Variants in ACOT11 observed in about 807,000 individuals in gnomAD.
The protein encoded by ACOT11 is acyl-CoA thioesterase 11, also known as acyl-coenzyme A thioesterase 11.
ACOT11 carries 69 observed loss-of-function variants against 77.5 expected under a neutral mutation model. The ratio of observed to expected loss-of-function variants is 0.89; its 90% CI spans 0.73 to 1.09. ACOT11 has a LOEUF of 1.09. ACOT11 is among the 50% of genes least tolerant of loss of function. The pLI is 0.00. For synonymous variants in ACOT11, 279 were observed against 313.0 expected (o/e 0.89, Z 1.15); for missense variants, 766 against 813.7 (o/e 0.94, Z 0.71).
chr1:54,575,012 C>T (rs1047870267), intron 1 of ACOT11, among the ~76,000 whole-genome samples: 1 of 152,186 alleles, frequency 6.6e-6, no homozygotes, highest in Non-Finnish European at 1.5e-5. Flanking sequence ...AACAGCTTCT[C>T]AATAACTTGC....
chr1:54,601,176 T>C (rs930989427), intron 8 of ACOT11, 93 bp from the exon 9 acceptor site: 1 of 1,464,822 alleles, frequency 6.8e-7, no homozygotes, highest in African/African-American at 1.4e-5. Flanking sequence ...TGGGCGCATG[T>C]GTGCATGTGT....
chr1:54,561,578 C>T (rs1294399004), intron 1 of ACOT11, among the ~76,000 whole-genome samples: 2 of 132,024 alleles, frequency 1.5e-5, no homozygotes, highest in East Asian at 2.2e-4. Context: ...TCCACAAAGC[C>T]GCCATTGTCA....
intron 1 of ACOT11, among the ~76,000 whole-genome samples, chr1:54,557,328 G>T (rs2100940711): frequency 6.7e-6 from 1 of 149,516 alleles, no homozygotes; most frequent in East Asian, 2.0e-4. Context: ...GGAGGCGGAG[G>T]TTGCAGTGAG....
intron 1 of ACOT11, among the ~76,000 whole-genome samples, chr1:54,576,519 G>T (rs1301360874): frequency 7.3e-6 from 1 of 137,216 alleles, no homozygotes; most frequent in Non-Finnish European, 1.6e-5. Context: ...AAAAAGCAAA[G>T]CAGAATTTTG....
chr1:54,614,288 A>C (rs149077189), downstream of ACOT11, among the ~76,000 whole-genome samples: 564 of 152,298 alleles, frequency 3.7e-3, 4 homozygotes, highest in Non-Finnish European at 4.9e-3. Flanking sequence ...AGACTTCTCT[A>C]GCAGGCCAAA....
chr1:54,567,525 C>T (rs1219402259), intron 1 of ACOT11, among the ~76,000 whole-genome samples: 6 of 151,990 alleles, frequency 3.9e-5, no homozygotes, highest in East Asian at 3.9e-4. Flanking sequence ...GTGATCCACC[C>T]GCCTCAGCCT....
exon 16 of ACOT11, chr1:54,630,860 C>T (rs915176513): frequency 2.6e-6 from 2 of 759,662 alleles, no homozygotes; most frequent in South Asian, 2.9e-5. Flanking sequence ...TGGAGGACAC[C>T]TGAGTACTCT....
At chr1:54,597,511 G>T in intron 7 of ACOT11, 96 bp downstream of exon 7, 1 of 1,409,642 alleles carries the variant, frequency 7.1e-7, no homozygotes, top group East Asian at 2.5e-5. Flanking sequence ...CTTGGGGTTG[G>T]CATTCAAGGC....
At chr1:54,566,454 CAAAAA>C (rs34312735) in intron 1 of ACOT11, among the ~76,000 whole-genome samples, 1,725 of 94,670 alleles carry the variant, frequency 0.018, 30 homozygotes, top group African/African-American at 0.046. Context: ...AAGACTGTCT[CAAAAA>C]AAAAAAAAAA....
At position 54,609,568 on chromosome 1, in the gene ACOT11, G is replaced by A. The variant is rs1338202397; in HGVS notation, c.*456G>A. On this transcript the variant is annotated 3_prime_UTR_variant, in exon 16 of 16. Transcript: ENST00000343744. ...TGAGCAGCTGTTCCCTGTAGCCACT[G>A]CCCAGCACCTCCTCAGGCCAGCCTG... The A allele has an allele frequency of 1.2e-6, 2 of 1,612,738 alleles. No homozygotes were observed. Among genetic ancestry groups the A allele is most frequent in the South Asian group, 2.2e-5 (2 of 91,052 alleles).
At chr1:54,588,385 T>C (rs1249883011) in intron 3 of ACOT11, among the ~76,000 whole-genome samples, 1 of 152,172 alleles carries the variant, frequency 6.6e-6, no homozygotes, top group Non-Finnish European at 1.5e-5. Flanking sequence ...CTCAAAACAA[T>C]ACTATGTGGT....
At chr1:54,633,287 A>G (rs889333215) in intron 16 of ACOT11, among the ~76,000 whole-genome samples, 5 of 152,236 alleles carry the variant, frequency 3.3e-5, no homozygotes, top group African/African-American at 1.2e-4. Context: ...GAAAATGGGC[A>G]CATAACTCCA....
chr1:54,613,208 T>C (rs1321297882), downstream of ACOT11, among the ~76,000 whole-genome samples: 1 of 151,802 alleles, frequency 6.6e-6, no homozygotes, highest in East Asian at 1.9e-4. Flanking sequence ...GGAGAAACCC[T>C]GTCTCTACTA....
intron 3 of ACOT11, among the ~76,000 whole-genome samples, chr1:54,590,032 G>A (rs1654651093): frequency 6.6e-6 from 1 of 151,422 alleles, no homozygotes; most frequent in African/African-American, 2.4e-5. Context: ...AGCTTGCAGT[G>A]AGCCGAGATA....
At chr1:54,592,713 T>A in intron 4 of ACOT11, 107 bp downstream of exon 4, 1 of 1,155,146 alleles carries the variant, frequency 8.7e-7, no homozygotes, top group Non-Finnish European at 1.2e-6. Context: ...TGCAGGGCCC[T>A]GATTAGAGCA....
intron 1 of ACOT11, among the ~76,000 whole-genome samples, chr1:54,555,059 A>G (rs1169064281): frequency 6.6e-6 from 1 of 152,190 alleles, no homozygotes; most frequent in Non-Finnish European, 1.5e-5. Context: ...CCCGGGTTCA[A>G]GTGATTCTCC....
At chr1:54,573,005 T>C in intron 1 of ACOT11, 1 of 985,416 alleles carries the variant, frequency 1.0e-6, no homozygotes, top group Non-Finnish European at 1.2e-6. Flanking sequence ...GGGACAGTGT[T>C]CTGGAAAGTG....
chr1:54,571,806 C>A (rs1428706271), intron 1 of ACOT11, among the ~76,000 whole-genome samples: 6 of 152,160 alleles, frequency 3.9e-5, no homozygotes, highest in South Asian at 2.1e-4. Context: ...GGCAGGAGGG[C>A]CCTGGGAACC....
intron 4 of ACOT11, among the ~76,000 whole-genome samples, chr1:54,593,452 TG>T (rs1654782718): frequency 7.1e-6 from 1 of 139,868 alleles, no homozygotes; most frequent in Non-Finnish European, 1.5e-5. Context: ...TTTTTGTGTG[TG>T]TGTGGTTTTT....
Sources: allele counts gnomAD v4.1 joint callset (sites outside exome capture counted in the v4.1 genomes callset), GRCh38; gene constraint gnomAD v4.1.1; transcripts MANE v1.5; gene names NCBI Gene and HGNC (gene_info 2026-07-23, HGNC 2026-07-21).